THSD7A: variants seen among roughly 807,000 people sequenced by gnomAD.
THSD7A encodes thrombospondin type-1 domain-containing protein 7A.
Under a neutral mutation model 231.3 loss-of-function variants are expected in THSD7A, and 96 were observed. That is an observed-to-expected ratio of 0.41 (90% confidence interval 0.35 to 0.49). The LOEUF (loss-of-function observed/expected upper bound fraction) is 0.49. Ranked by LOEUF, THSD7A falls within the 20% of genes least tolerant of loss-of-function variation. The pLI, the probability that THSD7A is intolerant of heterozygous loss-of-function variation, is 0.05. For synonymous variants in THSD7A, 940 were observed against 743.3 expected, an observed-to-expected ratio of 1.26 and a Z score of -4.30; for missense variants, 2,290 against 2,070.2, an observed-to-expected ratio of 1.11 and a Z score of -2.06.
intron 4 of THSD7A, among the ~76,000 whole-genome samples, chr7:11,548,279 A>C (rs1789482527): frequency 6.6e-6 from 1 of 152,100 alleles, no homozygotes; most frequent in Non-Finnish European, 1.5e-5. Flanking sequence ...AAATTCCTAA[A>C]AATATACAAC....
intron 1 of THSD7A, among the ~76,000 whole-genome samples, chr7:11,693,169 A>G (rs564332247): frequency 1.3e-5 from 2 of 151,716 alleles, no homozygotes; most frequent in African/African-American, 2.4e-5. Context: ...GGAAAAAAAT[A>G]GTAGAATTGC....
intron 11 of THSD7A, among the ~76,000 whole-genome samples, chr7:11,457,403 T>A (rs1785343080): frequency 6.6e-6 from 1 of 152,072 alleles, no homozygotes; most frequent in African/African-American, 2.4e-5. Context: ...ACTCTTTTAT[T>A]TTTATCTCTC....
At chr7:11,801,609 A>G (rs1784280315) in intron 1 of THSD7A, among the ~76,000 whole-genome samples, 1 of 152,158 alleles carries the variant, frequency 6.6e-6, no homozygotes, top group South Asian at 2.1e-4. Context: ...AAATTAGCAT[A>G]TAAAATATTA....
intron 1 of THSD7A, among the ~76,000 whole-genome samples, chr7:11,761,926 T>C (rs1277921683): frequency 6.6e-6 from 1 of 151,942 alleles, no homozygotes; most frequent in Admixed American, 6.6e-5. Flanking sequence ...CCTTTTGGAG[T>C]ACTCACTGTC....
intron 10 of THSD7A, 112 bp downstream of exon 10, chr7:11,461,899 C>T: frequency 7.4e-7 from 1 of 1,357,952 alleles, no homozygotes; most frequent in Non-Finnish European, 1.0e-6. Flanking sequence ...ATCCCAACTC[C>T]ATTGAGCCTG....
At chr7:11,529,567 C>A (rs896701473) in intron 6 of THSD7A, among the ~76,000 whole-genome samples, 1 of 150,718 alleles carries the variant, frequency 6.6e-6, no homozygotes, top group African/African-American at 2.5e-5. Flanking sequence ...TTGACAAGAG[C>A]TGATGGTTTT....
At chr7:11,443,923 G>C (rs1784881260) in intron 13 of THSD7A, among the ~76,000 whole-genome samples, 1 of 151,966 alleles carries the variant, frequency 6.6e-6, no homozygotes, top group Admixed American at 6.6e-5. Context: ...AAGAGTTTTA[G>C]AAACTTCTTT....
intron 11 of THSD7A, among the ~76,000 whole-genome samples, chr7:11,447,903 G>C (rs767109430): frequency 2.6e-5 from 4 of 152,226 alleles, no homozygotes; most frequent in Non-Finnish European, 4.4e-5. Context: ...GTGGCAGAAA[G>C]CTGGTTGGTA....
intron 1 of THSD7A, among the ~76,000 whole-genome samples, chr7:11,734,210 T>C (rs1415320593): frequency 6.6e-6 from 1 of 151,966 alleles, no homozygotes; most frequent in Non-Finnish European, 1.5e-5. Flanking sequence ...TAATTGTTGC[T>C]CTCTTTTAAT....
At chr7:11,502,237 A>C (rs1328445352) in intron 6 of THSD7A, among the ~76,000 whole-genome samples, 1 of 152,208 alleles carries the variant, frequency 6.6e-6, no homozygotes, top group South Asian at 2.1e-4. Flanking sequence ...ATTCCTACAG[A>C]AACTCTTCCA....
chr7:11,743,215 T>G (rs890185284), intron 1 of THSD7A, among the ~76,000 whole-genome samples: 4 of 151,944 alleles, frequency 2.6e-5, no homozygotes, highest in African/African-American at 9.7e-5. Flanking sequence ...CGTTATTGAC[T>G]TTTGTTATCT....
intron 1 of THSD7A, among the ~76,000 whole-genome samples, chr7:11,716,052 G>C (rs1054419054): frequency 6.6e-5 from 10 of 151,526 alleles, no homozygotes; most frequent in Non-Finnish European, 1.3e-4. Context: ...TGAGAGAGCA[G>C]AGAGGAACAT....
At chr7:11,688,466 C>A (rs1410790764) in intron 1 of THSD7A, among the ~76,000 whole-genome samples, 2 of 151,752 alleles carry the variant, frequency 1.3e-5, no homozygotes, top group African/African-American at 4.8e-5. Context: ...TATAATCATT[C>A]ATCCACACAT....
At chr7:11,570,846 G>A (rs1790596013) in intron 4 of THSD7A, among the ~76,000 whole-genome samples, 2 of 152,190 alleles carry the variant, frequency 1.3e-5, no homozygotes, top group African/African-American at 4.8e-5. Context: ...TGGGGGACCA[G>A]TTGGCATGAA....
intron 16 of THSD7A, among the ~76,000 whole-genome samples, chr7:11,419,628 C>T (rs775750418): frequency 5.3e-5 from 8 of 152,078 alleles, no homozygotes; most frequent in African/African-American, 1.9e-4. Context: ...ATAAAGTTAC[C>T]TGAAAAAGTG....
chr7:11,750,656 C>T (rs955044778), intron 1 of THSD7A, among the ~76,000 whole-genome samples: 1 of 151,978 alleles, frequency 6.6e-6, no homozygotes, highest in African/African-American at 2.4e-5. Flanking sequence ...ACGGGGACTA[C>T]TGGATGGCCT....
At chr7:11,821,297 A>T (rs1277313250) in intron 1 of THSD7A, 1 of 877,022 alleles carries the variant, frequency 1.1e-6, no homozygotes, top group African/African-American at 1.6e-5. Flanking sequence ...CGAAACTCCT[A>T]TTGGAAACCA....
chr7:11,535,925 G>A (rs1036079711), intron 6 of THSD7A, among the ~76,000 whole-genome samples: 4 of 151,940 alleles, frequency 2.6e-5, no homozygotes, highest in African/African-American at 4.8e-5. Flanking sequence ...ACTCTCCCTT[G>A]TACATTACAA....
At chr7:11,535,579 A>T (rs955491478) in intron 6 of THSD7A, among the ~76,000 whole-genome samples, 2 of 151,498 alleles carry the variant, frequency 1.3e-5, no homozygotes, top group African/African-American at 4.8e-5. Context: ...ATTTAACATA[A>T]TATCCAACCT....
Sources: gnomAD v4.1 joint callset for allele counts (sites outside exome capture counted in the v4.1 genomes callset) on GRCh38, gnomAD v4.1.1 for gene constraint, MANE v1.5 for transcripts, NCBI Gene and HGNC (gene_info 2026-07-23, HGNC 2026-07-21) for gene names.